RTL9: variants seen among roughly 807,000 people sequenced by gnomAD.
The protein encoded by RTL9 is retrotransposon Gag-like protein 9.
RTL9 carries 19 observed loss-of-function variants against 44.7 expected under a neutral mutation model. The observed-to-expected ratio is 0.42, with a 90% CI of 0.30 to 0.62. The LOEUF is 0.62. Ranked by LOEUF, RTL9 falls within the 20% of genes least tolerant of loss-of-function variation. RTL9 has a pLI of 0.16. For synonymous variants in RTL9, 407 were observed against 398.9 expected, an observed-to-expected ratio of 1.02 and a Z score of -0.24; for missense variants, 1,105 against 1,080.6, an observed-to-expected ratio of 1.02 and a Z score of -0.32.
intron 1 of RTL9, among the ~76,000 whole-genome samples, chrX:110,408,402 C>G (rs1392393330): frequency 8.9e-6 from 1 of 112,505 alleles, no homozygotes; most frequent in Non-Finnish European, 1.9e-5. Context: ...GCTAGATGTT[C>G]TCCAACGCCC....
chrX:110,361,550 C>T (rs765570517), intron 1 of RTL9, among the ~76,000 whole-genome samples: 1 of 111,407 alleles, frequency 9.0e-6, no homozygotes, highest in Non-Finnish European at 1.9e-5. Flanking sequence ...AACAAAACCC[C>T]TTATAATGGC....
At chrX:110,433,606 C>G (rs988913434) in intron 1 of RTL9, among the ~76,000 whole-genome samples, 2 of 111,740 alleles carry the variant, frequency 1.8e-5, no homozygotes, top group African/African-American at 6.5e-5. Context: ...AATATATACA[C>G]CCAAACACAT....
At chrX:110,397,697 T>G (rs1294313632) in intron 1 of RTL9, among the ~76,000 whole-genome samples, 1 of 111,056 alleles carries the variant, frequency 9.0e-6, no homozygotes, top group Admixed American at 9.5e-5. Context: ...AACAGTGCCT[T>G]CCATTGGCCA....
intron 1 of RTL9, among the ~76,000 whole-genome samples, chrX:110,408,165 C>A (rs767208789): frequency 1.8e-5 from 2 of 112,587 alleles, no homozygotes; most frequent in Non-Finnish European, 3.8e-5. Flanking sequence ...CTGAACTGAG[C>A]AGGAGCAGGT....
intron 1 of RTL9, among the ~76,000 whole-genome samples, chrX:110,434,081 C>A (rs2068818532): frequency 9.0e-6 from 1 of 111,308 alleles, no homozygotes; most frequent in South Asian, 3.8e-4. Context: ...TGAGGGATGG[C>A]AGGTTATGTC....
Position 110,452,095 on chromosome X carries a change from C to A in RTL9, c.1478C>A (p.Ala493Asp), listed in dbSNP as rs898648421. 3 of 1,212,004 alleles carry A rather than the reference C, an allele frequency of 2.5e-6. No homozygotes were observed. Among genetic ancestry groups the A allele is most frequent in the Non-Finnish European group, 3.3e-6 (3 of 895,552 alleles). ...GCAAAACAATACAAGAGAGCCACAG[C>A]CTCTGGAAAGATGTCCACGCCACTG... is the stretch of plus-strand genomic sequence containing the variant. The change falls in exon 1 of 2, where the codon GCC (alanine) becomes GAC (aspartate). Residue 493 changes from alanine (A) to aspartate (D), a missense_variant. Transcript: ENST00000540313.
At chrX:110,365,360 T>A (rs1030462662) in intron 1 of RTL9, among the ~76,000 whole-genome samples, 1 of 112,262 alleles carries the variant, frequency 8.9e-6, no homozygotes, top group Non-Finnish European at 1.9e-5. Context: ...GACGTTGAAA[T>A]ACAGAATAAA....
At chrX:110,446,391 C>T (rs1381154230), upstream of RTL9, among the ~76,000 whole-genome samples, 3 of 109,738 alleles carry the variant, frequency 2.7e-5, no homozygotes, top group South Asian at 4.0e-4. Flanking sequence ...TTAAGCTTGT[C>T]GGGGTAGAAA....
intron 1 of RTL9, among the ~76,000 whole-genome samples, chrX:110,402,269 C>A (rs2068570334): frequency 8.8e-6 from 1 of 113,088 alleles, no homozygotes; most frequent in Non-Finnish European, 1.9e-5. Context: ...GCTCACCTTG[C>A]CTATAAATAT....
At chrX:110,389,811 G>A (rs2068482493) in intron 1 of RTL9, among the ~76,000 whole-genome samples, 1 of 110,825 alleles carries the variant, frequency 9.0e-6, no homozygotes. Context: ...CAGAAAGAAG[G>A]AAGGAAGGAA....
rs749397253 is a variant in RTL9, at chrX:110,391,131, C to G, written c.-168+32215C>G. Among the ~76,000 whole-genome samples, 4 of 111,818 alleles carry G rather than the reference C, an allele frequency of 3.6e-5. No homozygotes were observed. In the East Asian group the frequency reaches 1.1e-3, roughly 31 times the overall value. On this transcript the variant is annotated intron_variant, in intron 1 of 2. Transcript: ENST00000520821. Reference sequence around the variant, plus strand: ...AAAGGCATACTGACAGCTCTTTTCTCCCAGGCTGATTTTCAGCTTGTCTAC... The same window carrying G: ...AAAGGCATACTGACAGCTCTTTTCTGCCAGGCTGATTTTCAGCTTGTCTAC...
chrX:110,436,725 G>A (rs981381161), intron 1 of RTL9, among the ~76,000 whole-genome samples: 1 of 111,802 alleles, frequency 8.9e-6, no homozygotes, highest in Non-Finnish European at 1.9e-5. Flanking sequence ...GCTATGGAAA[G>A]CCTCTGGAAG....
chrX:110,450,732 G>A lies in RTL9; in HGVS notation c.115G>A (p.Val39Ile), dbSNP rs1403214806. Reference sequence around the variant, plus strand: ...ACCAATGACAGAGACCAGAGCAGACGTACAGATTCTGCATTCTCATGTACA... The same window carrying A: ...ACCAATGACAGAGACCAGAGCAGACATACAGATTCTGCATTCTCATGTACA... The change falls in exon 1 of 2, where the codon GTA becomes ATA. Residue 39 changes from valine (V) to isoleucine (I), a missense_variant. Transcript: ENST00000540313. 5 of 1,210,871 alleles carry A rather than the reference G, an allele frequency of 4.1e-6. No individual in the cohort carries two copies. The South Asian group carries it at 7.0e-5, about 17-fold the overall frequency.
intron 1 of RTL9, among the ~76,000 whole-genome samples, chrX:110,400,136 G>A (rs186409759): frequency 3.7e-5 from 4 of 108,149 alleles, no homozygotes; most frequent in African/African-American, 6.8e-5. Context: ...TTTTGGCAGC[G>A]CAGTAAATAA....
At chrX:110,435,049 A>G (rs1208855736) in intron 1 of RTL9, among the ~76,000 whole-genome samples, 1 of 90,446 alleles carries the variant, frequency 1.1e-5, no homozygotes, top group Non-Finnish European at 2.2e-5. Flanking sequence ...GGAGAAAGGG[A>G]GGAAAGAAGG....
At chrX:110,406,437 C>T (rs752185758) in intron 1 of RTL9, among the ~76,000 whole-genome samples, 1 of 111,941 alleles carries the variant, frequency 8.9e-6, no homozygotes, top group East Asian at 2.8e-4. Flanking sequence ...GACGTGAACT[C>T]ATTCTTTTTT....
exon 1 of RTL9, chrX:110,453,364 G>A: frequency 8.3e-7 from 1 of 1,211,418 alleles, no homozygotes; most frequent in Non-Finnish European, 1.1e-6. Context: ...CCACTAAGGA[G>A]ACCCTCAGCC....
intron 1 of RTL9, among the ~76,000 whole-genome samples, chrX:110,419,947 G>A (rs914671682): frequency 5.4e-5 from 6 of 112,015 alleles, no homozygotes; most frequent in African/African-American, 1.9e-4. Context: ...ACCCAATGAC[G>A]TCAACTCTAT....
intron 2 of RTL9, among the ~76,000 whole-genome samples, 187 bp downstream of exon 2, chrX:110,445,455 A>G (rs185289293): frequency 9.0e-6 from 1 of 111,723 alleles, no homozygotes; most frequent in Admixed American, 9.5e-5. Flanking sequence ...TTATTTATAA[A>G]GAGCCGGTGC....
Sources: allele counts gnomAD v4.1 joint callset (sites outside exome capture counted in the v4.1 genomes callset), GRCh38; gene constraint gnomAD v4.1.1; transcripts MANE v1.5; gene names NCBI Gene and HGNC (gene_info 2026-07-23, HGNC 2026-07-21).